PTPRQ: variants seen among roughly 807,000 people sequenced by gnomAD.
The protein encoded by PTPRQ is phosphatidylinositol phosphatase PTPRQ.
In PTPRQ, 199 loss-of-function variants were observed where a neutral mutation model predicts 246.0. That is an observed-to-expected ratio of 0.81 (90% CI 0.72 to 0.91). The LOEUF (loss-of-function observed/expected upper bound fraction) is 0.91. Ranked by LOEUF, PTPRQ falls within the 40% of genes least tolerant of loss-of-function variation. The pLI, the probability that PTPRQ is intolerant of heterozygous loss-of-function variation, is 0.00. For synonymous variants in PTPRQ, 869 were observed against 853.2 expected (o/e 1.02, Z -0.32); for missense variants, 2,624 against 2,528.4 (o/e 1.04, Z -0.81).
rs1366469847 is a variant in PTPRQ at position 80,632,349 on chromosome 12, G to A, written c.5786+58G>A. 1.9e-6 allele frequency: 3 copies of A among 1,542,114 alleles called. 1 individual carries two copies. The highest frequency in any genetic ancestry group is 1.4e-5 in the African/African-American group (1 of 72,622). The stretch of plus-strand genomic sequence containing the variant: ...CTTTATGGGCATTATATCAGTCATA[G>A]TCCAATCAGGAGACAGAAGCCACAA... On this transcript the variant is annotated intron_variant, in intron 34 of 44. Transcript: ENST00000644991.
intron 25 of PTPRQ, among the ~76,000 whole-genome samples, chr12:80,576,933 A>G (rs1226633463): frequency 2.0e-5 from 3 of 152,188 alleles, no homozygotes; most frequent in Non-Finnish European, 4.4e-5. Context: ...ACAAGCCAGT[A>G]TGTCTTTCTA....
chr12:80,577,859 A>G (rs1176549017), intron 25 of PTPRQ, among the ~76,000 whole-genome samples: 2 of 152,174 alleles, frequency 1.3e-5, no homozygotes, highest in African/African-American at 4.8e-5. Flanking sequence ...GCTTTGTAGT[A>G]GCACTCAAAA....
At position 80,457,566 on chromosome 12, in the gene PTPRQ, C is replaced by G; in HGVS notation, c.391-9C>G. ...AATGTTTGAACACAATCCTTTTGGTCTGTTCTAGGTTGCTGCTGAAAACAG... is the reference window on the plus strand; with the variant it reads ...AATGTTTGAACACAATCCTTTTGGTGTGTTCTAGGTTGCTGCTGAAAACAG... On this transcript the variant is annotated splice_polypyrimidine_tract_variant and intron_variant, in intron 3 of 44. Transcript: ENST00000644991. 1 of 400,132 alleles carries G rather than the reference C, an allele frequency of 2.5e-6. No individual in the cohort carries two copies. Among genetic ancestry groups the G allele is most frequent in the East Asian group, 3.6e-5 (1 of 27,988 alleles). The allele number at this position is 400,132 out of a possible 1,614,324, so 24.8% of individuals were successfully genotyped here. A position where few individuals can be genotyped will look rare whatever the true frequency, so the allele number is the denominator to read the frequency against.
chr12:80,599,880 A>G lies in PTPRQ; in HGVS notation c.4610-5179A>G, dbSNP rs1840450484. The stretch of plus-strand genomic sequence containing the variant: ...ATTATATATTAATATATATTCAGTT[A>G]TATAAGTTTACTTTTATTTTTCAGT... On this transcript the variant is annotated intron_variant, in intron 26 of 44. Coordinates refer to ENST00000644991, the MANE Select transcript of PTPRQ (RefSeq NM_001145026.2). Among the ~76,000 whole-genome samples the G allele has an allele frequency of 2.6e-5, 4 of 151,020 alleles. No individual in the cohort carries two copies. In the South Asian group the frequency reaches 8.3e-4, roughly 31 times the overall value.
At chr12:80,583,150 T>C (rs182221430) in intron 25 of PTPRQ, among the ~76,000 whole-genome samples, 1 of 152,292 alleles carries the variant, frequency 6.6e-6, no homozygotes, top group African/African-American at 2.4e-5. Context: ...TAAATTATCC[T>C]TCACCAGGAA....
Position 80,546,638 on chromosome 12 carries a change from C to T in PTPRQ, c.3956C>T (p.Thr1319Ile). 1 of 1,551,394 alleles carries T rather than the reference C, an allele frequency of 6.4e-7. No homozygotes were observed. Among genetic ancestry groups the T allele is most frequent in the Non-Finnish European group, 8.7e-7 (1 of 1,146,850 alleles). Reference protein sequence around the residue: ...STYSIRVSAFTKVGNGNQFSN... With the variant: ...STYSIRVSAFIKVGNGNQFSN... ...TACTCTATCCGTGTATCTGCGTTCACCAAAGTTGGAAATGGCAATCAATTT... is the reference window on the plus strand; with the variant it reads ...TACTCTATCCGTGTATCTGCGTTCATCAAAGTTGGAAATGGCAATCAATTT... Residue 1319 changes from threonine (T) to isoleucine (I), a missense_variant, in exon 24 of 45, where the codon ACC becomes ATC. Thr to Ile is a moderately conservative substitution (Grantham distance 89). Transcript: ENST00000644991.
At chr12:80,522,288 T>C (rs1895522007) in intron 17 of PTPRQ, among the ~76,000 whole-genome samples, 1 of 152,232 alleles carries the variant, frequency 6.6e-6, no homozygotes, top group African/African-American at 2.4e-5. Flanking sequence ...TTTCTAGATA[T>C]ACAATCATGT....
At chr12:80,471,474 A>ATTTTTTTTTTTTTTTTTTTT (rs1176393485) in intron 7 of PTPRQ, among the ~76,000 whole-genome samples, 1 of 73,198 alleles carries the variant, frequency 1.4e-5, no homozygotes, top group Non-Finnish European at 2.4e-5. Flanking sequence ...ATTATTTAGC[A>ATTTTTTTTTTTTTTTTTTTT]TTTTTTTTTT....
intron 24 of PTPRQ, among the ~76,000 whole-genome samples, chr12:80,547,971 T>TTC (rs1373829914): frequency 6.6e-5 from 10 of 152,244 alleles, no homozygotes; most frequent in African/African-American, 1.7e-4. Context: ...AACATTGGCC[T>TTC]TCTGACTTCT....
intron 18 of PTPRQ, 112 bp from the exon 19 acceptor site, chr12:80,534,780 T>C (rs1233120087): frequency 1.5e-6 from 2 of 1,342,164 alleles, no homozygotes; most frequent in African/African-American, 3.0e-5. Context: ...CAAGCTTTTT[T>C]GAAAAACATT....
intron 35 of PTPRQ, among the ~76,000 whole-genome samples, chr12:80,648,248 C>T (rs1306213149): frequency 1.3e-5 from 2 of 151,852 alleles, no homozygotes; most frequent in East Asian, 1.9e-4. Context: ...TTTTGCAGTG[C>T]TAATTTGTTG....
At chr12:80,494,128 A>G (rs1367996383) in intron 10 of PTPRQ, among the ~76,000 whole-genome samples, 1 of 152,042 alleles carries the variant, frequency 6.6e-6, no homozygotes, top group Non-Finnish European at 1.5e-5. Flanking sequence ...GAATTAGTAA[A>G]AAAAAATCAC....
At chr12:80,546,132 A>G (rs1896298487) in intron 23 of PTPRQ, among the ~76,000 whole-genome samples, 1 of 152,142 alleles carries the variant, frequency 6.6e-6, no homozygotes, top group Admixed American at 6.5e-5. Flanking sequence ...AGCCTGGCCA[A>G]CATGGCTAAA....
At chr12:80,591,272 C>T (rs552539899) in intron 26 of PTPRQ, among the ~76,000 whole-genome samples, 10 of 151,896 alleles carry the variant, frequency 6.6e-5, no homozygotes, top group African/African-American at 2.4e-4. Flanking sequence ...ACTACAGGCA[C>T]ACGCCACTGT....
chr12:80,493,538 C>A, intron 10 of PTPRQ, 83 bp downstream of exon 10: 1 of 1,424,162 alleles, frequency 7.0e-7, no homozygotes, highest in South Asian at 1.6e-5. Context: ...GCTTAGAGTT[C>A]AGCCATATTA....
chr12:80,444,824 T>C lies in PTPRQ; in HGVS notation c.138T>C (p.Thr46=). Reference sequence around the variant, plus strand: ...CTACAACATACACCTCACCTGTTACTAGAATAGTGACAACAAATGTAACAA... The same window carrying C: ...CTACAACATACACCTCACCTGTTACCAGAATAGTGACAACAAATGTAACAA... ...SISTTYTSPV[T]RIVTTNVTKP... The change falls in exon 2 of 45, where the codon ACT becomes ACC. Residue 46 remains threonine, a synonymous_variant. Transcript: ENST00000644991. 1 of 1,534,370 alleles carries C rather than the reference T, an allele frequency of 6.5e-7. No individual in the cohort carries two copies. Among genetic ancestry groups the C allele is most frequent in the Non-Finnish European group, 8.8e-7 (1 of 1,135,994 alleles).
chr12:80,672,288 A>G (rs1221400535), intron 42 of PTPRQ, among the ~76,000 whole-genome samples: 1 of 151,572 alleles, frequency 6.6e-6, no homozygotes, highest in East Asian at 2.0e-4. Flanking sequence ...AATATATTTA[A>G]CAATTCAATG....
intron 25 of PTPRQ, among the ~76,000 whole-genome samples, chr12:80,586,094 A>G (rs1021912722): frequency 2.0e-4 from 31 of 151,834 alleles, no homozygotes; most frequent in African/African-American, 7.0e-4. Flanking sequence ...ATAGTATTCC[A>G]TGGTGTATAT....
intron 25 of PTPRQ, among the ~76,000 whole-genome samples, chr12:80,566,255 A>G (rs1190061327): frequency 6.6e-6 from 1 of 152,242 alleles, no homozygotes; most frequent in East Asian, 1.9e-4. Flanking sequence ...AGGCAGGTGG[A>G]TCACTTGAAG....
Sources: allele counts gnomAD v4.1 joint callset (sites outside exome capture counted in the v4.1 genomes callset), GRCh38; gene constraint gnomAD v4.1.1; transcripts MANE v1.5; gene names NCBI Gene and HGNC (gene_info 2026-07-23, HGNC 2026-07-21).